The following ADAMTS6 variants were observed in gnomAD, a reference collection of about 807,000 sequenced individuals.
ADAMTS6 encodes the protein ADAM metallopeptidase with thrombospondin type 1 motif 6.
ADAMTS6 carries 23 observed loss-of-function variants against 144.3 expected under a neutral mutation model. The observed-to-expected ratio is 0.16, with a 90% confidence interval of 0.11 to 0.23. The LOEUF is 0.23. Among genes scored for constraint, ADAMTS6 ranks in the 10% least tolerant of loss-of-function variants. The pLI, the probability that ADAMTS6 is intolerant of heterozygous loss-of-function variation, is 1.00. For missense variants in ADAMTS6, 999 were observed against 1,379.6 expected, an observed-to-expected ratio of 0.72 and a Z score of 4.37; for synonymous variants, 444 against 457.5, an observed-to-expected ratio of 0.97 and a Z score of 0.38.
chr5:65,265,676 G>T (rs575157851), intron 12 of ADAMTS6, among the ~76,000 whole-genome samples: 1 of 151,402 alleles, frequency 6.6e-6, no homozygotes, highest in East Asian at 1.9e-4. Flanking sequence ...TAGCATTATT[G>T]ATTTCAAATA....
At chr5:65,314,440 TAGA>T (rs75090977) in intron 9 of ADAMTS6, among the ~76,000 whole-genome samples, 2,174 of 152,100 alleles carry the variant, frequency 0.014, 35 homozygotes, top group East Asian at 0.084. Context: ...ATTGACATAC[TAGA>T]AGGAGAAGAA....
intron 22 of ADAMTS6, among the ~76,000 whole-genome samples, chr5:65,181,897 T>A (rs1412496475): frequency 6.6e-6 from 1 of 152,184 alleles, no homozygotes; most frequent in East Asian, 1.9e-4. Context: ...CCTTCACATT[T>A]TAAAATCATG....
chr5:65,177,003 A>G (rs918449366), intron 22 of ADAMTS6, among the ~76,000 whole-genome samples: 3 of 152,206 alleles, frequency 2.0e-5, no homozygotes, highest in African/African-American at 7.2e-5. Context: ...CCTCAAAACT[A>G]AAAGTCTTTT....
At chr5:65,203,312 C>A (rs1755864630) in intron 20 of ADAMTS6, among the ~76,000 whole-genome samples, 1 of 152,118 alleles carries the variant, frequency 6.6e-6, no homozygotes, top group African/African-American at 2.4e-5. Flanking sequence ...TCACTTGAGG[C>A]CAGGAGTTCT....
intron 14 of ADAMTS6, among the ~76,000 whole-genome samples, chr5:65,257,084 C>G (rs1004599408): frequency 1.3e-5 from 2 of 150,136 alleles, no homozygotes; most frequent in African/African-American, 4.9e-5. Flanking sequence ...CCTGCCTCAG[C>G]CTCCCAAAGT....
chr5:65,331,755 T>C (rs965660137), intron 8 of ADAMTS6, among the ~76,000 whole-genome samples: 1 of 151,908 alleles, frequency 6.6e-6, no homozygotes, highest in Non-Finnish European at 1.5e-5. Flanking sequence ...AAAACCAATA[T>C]GAAAGTGACT....
intron 9 of ADAMTS6, among the ~76,000 whole-genome samples, chr5:65,318,048 T>C (rs1459359664): frequency 6.9e-6 from 1 of 145,088 alleles, no homozygotes; most frequent in Non-Finnish European, 1.5e-5. Flanking sequence ...GCACTCCAGC[T>C]TGGGTGACAG....
At chr5:65,419,995 T>C (rs778689218) in intron 7 of ADAMTS6, among the ~76,000 whole-genome samples, 70 of 152,288 alleles carry the variant, frequency 4.6e-4, no homozygotes, top group East Asian at 1.4e-3. Context: ...GGGTAATTTA[T>C]AACGGAAAGA....
chr5:65,320,554 CTTT>C (rs879889532), intron 9 of ADAMTS6, among the ~76,000 whole-genome samples: 3 of 144,002 alleles, frequency 2.1e-5, no homozygotes, highest in African/African-American at 5.0e-5. Context: ...TATTTTCTCT[CTTT>C]TTTTTTTTTA....
intron 20 of ADAMTS6, among the ~76,000 whole-genome samples, chr5:65,204,917 C>A (rs184283864): frequency 1.6e-4 from 25 of 152,238 alleles, no homozygotes; most frequent in African/African-American, 6.0e-4. Flanking sequence ...AATTATGTTT[C>A]TTCAGAGGGA....
At chr5:65,194,904 C>T (rs1042291446) in intron 21 of ADAMTS6, among the ~76,000 whole-genome samples, 5 of 152,118 alleles carry the variant, frequency 3.3e-5, no homozygotes, top group African/African-American at 1.2e-4. Context: ...CAAAAACAAA[C>T]CTCCAATGTA....
chr5:65,323,692 C>T (rs1745873299), intron 9 of ADAMTS6, among the ~76,000 whole-genome samples: 1 of 152,190 alleles, frequency 6.6e-6, no homozygotes, highest in African/African-American at 2.4e-5. Context: ...GGAATCGCCA[C>T]ACCAACTTCC....
At chr5:65,457,657 T>C (rs1429138788) in intron 4 of ADAMTS6, among the ~76,000 whole-genome samples, 3 of 152,000 alleles carry the variant, frequency 2.0e-5, no homozygotes, top group Admixed American at 2.0e-4. Context: ...AATCATAGAG[T>C]GAAGGCTGGC....
chr5:65,312,501 T>G (rs551959715), intron 9 of ADAMTS6, among the ~76,000 whole-genome samples: 17 of 152,192 alleles, frequency 1.1e-4, no homozygotes, highest in African/African-American at 4.1e-4. Flanking sequence ...AATTTGCTCA[T>G]GTGTTTTCTA....
At chr5:65,256,961 T>TTCTCTCTCTCTC (rs55933758) in intron 14 of ADAMTS6, among the ~76,000 whole-genome samples, 1 of 118,042 alleles carries the variant, frequency 8.5e-6, no homozygotes, top group African/African-American at 3.9e-5. Context: ...GGGTCACTTT[T>TTCTCTCTCTCTC]TCTCTCTCTC....
chr5:65,371,136 A>G (rs1246699935), intron 7 of ADAMTS6, among the ~76,000 whole-genome samples: 2 of 152,236 alleles, frequency 1.3e-5, no homozygotes, highest in Admixed American at 1.3e-4. Context: ...CCATCATCAA[A>G]GACCAAAAGT....
Position 65,435,287 on chromosome 5 carries a change from T to G in ADAMTS6, c.1073+16188A>C, listed in dbSNP as rs1757302947. Among the ~76,000 whole-genome samples the G allele has an allele frequency of 2.0e-5, 3 of 152,284 alleles. No individual in the cohort carries two copies. The South Asian group carries it at 6.2e-4, about 32-fold the overall frequency. On this transcript the variant is annotated intron_variant, in intron 7 of 24. Transcript: ENST00000381055. ...AGGGAGGATACATACAAATTCAGGATAGTGGTTACCTCAAAGCAAGGAATT... is the reference window on the plus strand; with the variant it reads ...AGGGAGGATACATACAAATTCAGGAGAGTGGTTACCTCAAAGCAAGGAATT...
chr5:65,402,567 T>C (rs756913533), intron 7 of ADAMTS6, among the ~76,000 whole-genome samples: 36 of 152,032 alleles, frequency 2.4e-4, no homozygotes, highest in Admixed American at 7.9e-4. Context: ...ACTGAGAAAA[T>C]AGAAACAACC....
chr5:65,404,867 GT>G (rs1472816048), intron 7 of ADAMTS6, among the ~76,000 whole-genome samples: 3 of 152,134 alleles, frequency 2.0e-5, no homozygotes, highest in African/African-American at 7.2e-5. Context: ...TCTCATTGTG[GT>G]TTTGATTTGC....
Sources: allele counts gnomAD v4.1 joint callset (sites outside exome capture counted in the v4.1 genomes callset), GRCh38; gene constraint gnomAD v4.1.1; transcripts MANE v1.5; gene names NCBI Gene and HGNC (gene_info 2026-07-23, HGNC 2026-07-21).